The following MIPEP variants were observed in gnomAD, a reference collection of about 807,000 sequenced individuals.
MIPEP encodes the protein mitochondrial intermediate peptidase.
A neutral mutation model predicts 90.3 loss-of-function variants in MIPEP; 79 were observed. That is an observed-to-expected ratio of 0.87 (90% CI 0.73 to 1.05). The LOEUF is 1.05. Among genes scored for constraint, MIPEP ranks in the 50% least tolerant of loss-of-function variants. The pLI, the probability that MIPEP is intolerant of heterozygous loss-of-function variation, is 0.00. For missense variants in MIPEP, 940 were observed against 905.6 expected (o/e 1.04, Z -0.49); for synonymous variants, 334 against 315.8 (o/e 1.06, Z -0.61).
chr13:23,866,809 AC>A (rs1870559817), intron 7 of MIPEP, among the ~76,000 whole-genome samples: 1 of 152,144 alleles, frequency 6.6e-6, no homozygotes, highest in Admixed American at 6.5e-5. Context: ...CTAACTGCCT[AC>A]CCAACTTCAC....
chr13:23,782,560 G>A (rs1952792546), intron 16 of MIPEP, among the ~76,000 whole-genome samples: 1 of 152,112 alleles, frequency 6.6e-6, no homozygotes, highest in South Asian at 2.1e-4. Context: ...AGAAGCAAGA[G>A]CAAACACATT....
At chr13:23,847,803 T>C (rs1332029461) in intron 10 of MIPEP, among the ~76,000 whole-genome samples, 1 of 152,204 alleles carries the variant, frequency 6.6e-6, no homozygotes, top group Non-Finnish European at 1.5e-5. Context: ...GTGATTGTGA[T>C]AAAGTTAGAA....
chr13:23,766,728 A>G (rs1048898789), intron 16 of MIPEP, among the ~76,000 whole-genome samples: 4 of 152,224 alleles, frequency 2.6e-5, no homozygotes, highest in African/African-American at 9.6e-5. Flanking sequence ...TTTGGAATAT[A>G]AAGTGTTGTT....
In MIPEP at chr13:23,886,505, C is replaced by A; in HGVS notation, c.191G>T (p.Gly64Val). 6.4e-7 allele frequency: 1 copy of A among 1,561,300 alleles called. No homozygotes were observed. Among genetic ancestry groups the A allele is most frequent in the East Asian group, 2.4e-5 (1 of 42,504 alleles). Residue 64 changes from glycine to valine, a missense_variant and splice_region_variant, in exon 2 of 19, where the codon GGT (glycine) becomes GTT (valine). Transcript: ENST00000382172. ...ACTCAGCTCAGGAACTCCAAAAAGA[C>A]CCTTAGAACCAAAGAATACGTCTGA... ...SRLDLFGERR[G>V]LFGVPELSAP... is the part of the protein sequence containing the mutation.
At chr13:23,824,019 A>C (rs1257707245) in intron 14 of MIPEP, among the ~76,000 whole-genome samples, 1 of 152,222 alleles carries the variant, frequency 6.6e-6, no homozygotes, top group Non-Finnish European at 1.5e-5. Context: ...ATGTTTGTTG[A>C]CCACGCATAG....
rs995457777 is a variant in MIPEP at position 23,856,148 on chromosome 13, T to C, written c.1106+2712A>G. Among the ~76,000 whole-genome samples, 4 of 152,364 alleles carry C rather than the reference T, an allele frequency of 2.6e-5. No homozygotes were observed. In the South Asian group the frequency reaches 8.3e-4, roughly 32 times the overall value. On this transcript the variant is annotated intron_variant, in intron 10 of 18. Transcript: ENST00000382172. ...AGAACATCTTAGCAGGTCAACTGTG[T>C]AGCACACAGGCTGTTAAGCACAGCG...
chr13:23,840,336 A>T (rs151332430), intron 11 of MIPEP, among the ~76,000 whole-genome samples: 327 of 152,318 alleles, frequency 2.1e-3, no homozygotes, highest in African/African-American at 6.6e-3. Flanking sequence ...TTCATCAAAC[A>T]TCTGTTAAGC....
At chr13:23,864,046 T>C in intron 8 of MIPEP, 95 bp downstream of exon 8, 1 of 710,470 alleles carries the variant, frequency 1.4e-6, no homozygotes, top group Non-Finnish European at 2.3e-6. Flanking sequence ...AAACTTATAT[T>C]CTAGGTCACT....
At chr13:23,799,601 C>G (rs985342448) in intron 16 of MIPEP, among the ~76,000 whole-genome samples, 5 of 152,236 alleles carry the variant, frequency 3.3e-5, no homozygotes. Flanking sequence ...GCTGGGATTA[C>G]AGGCATGAGC....
intron 10 of MIPEP, among the ~76,000 whole-genome samples, chr13:23,843,403 G>T (rs1869394397): frequency 6.6e-6 from 1 of 152,154 alleles, no homozygotes; most frequent in African/African-American, 2.4e-5. Flanking sequence ...TGGCCTCTAA[G>T]CTTCCTCACC....
At chr13:23,757,416 T>C (rs554112088) in intron 17 of MIPEP, among the ~76,000 whole-genome samples, 55 of 152,176 alleles carry the variant, frequency 3.6e-4, no homozygotes, top group African/African-American at 1.2e-3. Context: ...GGCCTGGGGG[T>C]TGGGGACTCC....
At chr13:23,888,348 C>T (rs572393391) in intron 1 of MIPEP, among the ~76,000 whole-genome samples, 201 of 152,180 alleles carry the variant, frequency 1.3e-3, no homozygotes, top group Middle Eastern at 3.4e-3. Flanking sequence ...GCAACAATAC[C>T]CTAGACTTGT....
chr13:23,781,635 C>T (rs532584675), intron 16 of MIPEP, among the ~76,000 whole-genome samples: 301 of 152,208 alleles, frequency 2.0e-3, no homozygotes, highest in African/African-American at 7.1e-3. Flanking sequence ...GGGCTAAATG[C>T]TCCAATTAAA....
chr13:23,829,546 T>C (rs1048449055), intron 14 of MIPEP, among the ~76,000 whole-genome samples: 1 of 152,340 alleles, frequency 6.6e-6, no homozygotes, highest in East Asian at 1.9e-4. Flanking sequence ...TAAAAAGGAT[T>C]ATTATTTCAA....
intron 16 of MIPEP, among the ~76,000 whole-genome samples, chr13:23,775,617 C>CA (rs142536464): frequency 1.3e-5 from 2 of 151,816 alleles, no homozygotes; most frequent in Non-Finnish European, 2.9e-5. Flanking sequence ...TTTTACTTAC[C>CA]AAAAAAAGTT....
chr13:23,805,825 G>T, intron 16 of MIPEP, 125 bp downstream of exon 16: 2 of 989,834 alleles, frequency 2.0e-6, no homozygotes, highest in Non-Finnish European at 1.5e-6. Flanking sequence ...CAGCATTTGA[G>T]CCATGTGAAG....
In MIPEP at chr13:23,797,261, C is replaced by T. The variant is rs143399613; in HGVS notation, c.1848+8689G>A. Among the ~76,000 whole-genome samples the T allele has an allele frequency of 3.8e-3, 584 of 152,222 alleles. 2 individuals are homozygous for T. The highest frequency in any genetic ancestry group is 0.013 in the African/African-American group (553 of 41,542). ...CTGCTGCCCCTTCCCACAGTTAGTA[C>T]CTTCACTAGACTAATGACTCCCAAA... On this transcript the variant is annotated intron_variant, in intron 16 of 18. Transcript: ENST00000382172.
chr13:23,868,907 T>G (rs191680504), intron 7 of MIPEP, among the ~76,000 whole-genome samples: 1 of 152,318 alleles, frequency 6.6e-6, no homozygotes, highest in Non-Finnish European at 1.5e-5. Flanking sequence ...ACTGTGTGTT[T>G]TTTATATGAC....
intron 10 of MIPEP, among the ~76,000 whole-genome samples, chr13:23,856,514 G>T (rs1413121393): frequency 6.6e-6 from 1 of 152,184 alleles, no homozygotes; most frequent in African/African-American, 2.4e-5. Context: ...TTAAGGGGTG[G>T]GTTAATGCAA....
Sources: gnomAD v4.1 joint callset for allele counts (sites outside exome capture counted in the v4.1 genomes callset) on GRCh38, gnomAD v4.1.1 for gene constraint, MANE v1.5 for transcripts, NCBI Gene and HGNC (gene_info 2026-07-23, HGNC 2026-07-21) for gene names.